EXOC4: variants seen among roughly 807,000 people sequenced by gnomAD.
EXOC4 encodes SEC8-like 1.
A neutral mutation model predicts 107.2 loss-of-function variants in EXOC4; 71 were observed. The ratio of observed to expected loss-of-function variants is 0.66; its 90% CI spans 0.55 to 0.81. EXOC4 has a LOEUF of 0.81. Among genes scored for constraint, EXOC4 ranks in the 30% least tolerant of loss-of-function variants. EXOC4 has a pLI of 0.00. For synonymous variants in EXOC4, 456 were observed against 441.2 expected, an observed-to-expected ratio of 1.03 and a Z score of -0.42; for missense variants, 1,108 against 1,189.6, an observed-to-expected ratio of 0.93 and a Z score of 1.01.
chr7:134,067,962 C>T (rs922644940), downstream of EXOC4, among the ~76,000 whole-genome samples: 1 of 152,068 alleles, frequency 6.6e-6, no homozygotes, highest in African/African-American at 2.4e-5. Context: ...GATTTCATCC[C>T]AATAATTAGA....
chr7:133,595,168 A>T (rs1197920783), intron 9 of EXOC4, among the ~76,000 whole-genome samples: 1 of 152,160 alleles, frequency 6.6e-6, no homozygotes, highest in Non-Finnish European at 1.5e-5. Context: ...GAAGAGAAGG[A>T]GGATGGAACC....
intron 8 of EXOC4, among the ~76,000 whole-genome samples, chr7:133,477,469 C>G (rs946457556): frequency 1.3e-5 from 2 of 152,172 alleles, no homozygotes; most frequent in Admixed American, 6.6e-5. Context: ...TCTTCCACAT[C>G]TTTTTGTGGC....
At chr7:133,323,662 T>TA (rs1048827201) in intron 5 of EXOC4, among the ~76,000 whole-genome samples, 64 of 152,376 alleles carry the variant, frequency 4.2e-4, no homozygotes, top group African/African-American at 1.5e-3. Context: ...GATATTGGTC[T>TA]AAAATTCTCT....
At chr7:133,823,686 A>G (rs367569819) in intron 11 of EXOC4, among the ~76,000 whole-genome samples, 5 of 149,258 alleles carry the variant, frequency 3.3e-5, no homozygotes, top group African/African-American at 9.8e-5. Context: ...TGTGGTGGTA[A>G]GTACCTGTAG....
intron 9 of EXOC4, among the ~76,000 whole-genome samples, chr7:133,547,925 G>A (rs1159675820): frequency 6.6e-6 from 1 of 151,990 alleles, no homozygotes; most frequent in Non-Finnish European, 1.5e-5. Context: ...GTTTGTAATG[G>A]CATCTAGCAT....
At chr7:133,275,693 T>C (rs528858065) in intron 2 of EXOC4, among the ~76,000 whole-genome samples, 25 of 152,332 alleles carry the variant, frequency 1.6e-4, no homozygotes, top group Middle Eastern at 6.8e-3. Flanking sequence ...GTCTCCTACA[T>C]TGAAGTTGGT....
chr7:133,510,281 T>A lies in EXOC4; in HGVS notation c.1417+30143T>A, dbSNP rs142236292. Among the ~76,000 whole-genome samples the A allele has an allele frequency of 2.4e-3, 371 of 152,354 alleles. 5 individuals are homozygous for A. Among genetic ancestry groups the A allele is most frequent in the African/African-American group, 8.3e-3 (347 of 41,592 alleles). Reference sequence around the variant, plus strand: ...TAATGTTTTGAGGTTTATTTATAATTTAGCACACATCCATAGTTCATTCCT... The same window carrying A: ...TAATGTTTTGAGGTTTATTTATAATATAGCACACATCCATAGTTCATTCCT... On this transcript the variant is annotated intron_variant, in intron 9 of 17. Coordinates refer to ENST00000253861, the MANE Select transcript of EXOC4 (RefSeq NM_021807.4).
intron 10 of EXOC4, among the ~76,000 whole-genome samples, chr7:133,702,397 G>A (rs1046194208): frequency 4.6e-5 from 1 of 21,674 alleles, no homozygotes; most frequent in African/African-American, 1.8e-4. Context: ...GCAGTGCAGT[G>A]ATGTGATCAC....
At chr7:134,039,183 A>G (rs564784205) in intron 17 of EXOC4, among the ~76,000 whole-genome samples, 28 of 152,290 alleles carry the variant, frequency 1.8e-4, no homozygotes, top group African/African-American at 6.5e-4. Flanking sequence ...AGATAAATGT[A>G]TATGTACTCA....
At chr7:133,653,447 T>C (rs1223741734) in intron 10 of EXOC4, among the ~76,000 whole-genome samples, 1 of 152,244 alleles carries the variant, frequency 6.6e-6, no homozygotes, top group Non-Finnish European at 1.5e-5. Context: ...ACAGGACCTC[T>C]CTTTACTATT....
chr7:133,627,723 A>G (rs1309514488), intron 9 of EXOC4, among the ~76,000 whole-genome samples: 1 of 152,196 alleles, frequency 6.6e-6, no homozygotes, highest in Non-Finnish European at 1.5e-5. Context: ...TAACTCAGCA[A>G]AACTTAGCAG....
At chr7:133,828,336 GC>G in intron 11 of EXOC4, among the ~76,000 whole-genome samples, 1 of 152,024 alleles carries the variant, frequency 6.6e-6, no homozygotes. Context: ...TGGCTCGACA[GC>G]CCAAGCAAAT....
Position 133,851,581 on chromosome 7 carries a change from T to C in EXOC4, c.1734+34037T>C, listed in dbSNP as rs547837096. Among the ~76,000 whole-genome samples, 7 of 152,196 alleles carry C rather than the reference T, an allele frequency of 4.6e-5. No homozygotes were observed. The East Asian group carries it at 9.7e-4, about 21-fold the overall frequency. On this transcript the variant is annotated intron_variant, in intron 11 of 17. Transcript: ENST00000253861. ...AGAGGAGCCAGGGAGTGAATGAAGA[T>C]CTGTGGGCAGCACATTACAGCCAGA...
chr7:133,502,027 G>T (rs868586293), intron 9 of EXOC4, among the ~76,000 whole-genome samples: 1 of 152,188 alleles, frequency 6.6e-6, no homozygotes. Flanking sequence ...CCAATTTTTT[G>T]ATTAGCAATG....
intron 11 of EXOC4, among the ~76,000 whole-genome samples, chr7:133,885,972 T>A (rs10156038): frequency 0.62 from 94,280 of 151,876 alleles, 31,926 homozygotes; most frequent in African/African-American, 0.91. Context: ...AGGGGCTAAG[T>A]AGGAAGGATC....
chr7:134,037,388 A>G (rs1795414757), intron 17 of EXOC4, among the ~76,000 whole-genome samples: 1 of 152,234 alleles, frequency 6.6e-6, no homozygotes, highest in African/African-American at 2.4e-5. Context: ...AGATGATCAA[A>G]AAGCATGAGA....
chr7:133,564,952 C>T (rs573883359), intron 9 of EXOC4, among the ~76,000 whole-genome samples: 4 of 152,256 alleles, frequency 2.6e-5, no homozygotes, highest in African/African-American at 4.8e-5. Context: ...AAACCTAACC[C>T]AGCCAAGTAC....
chr7:133,700,766 T>C (rs921404991), intron 10 of EXOC4, among the ~76,000 whole-genome samples: 6 of 152,188 alleles, frequency 3.9e-5, no homozygotes, highest in Non-Finnish European at 8.8e-5. Flanking sequence ...GTATCAAATA[T>C]AGTCTAAGGA....
intron 14 of EXOC4, among the ~76,000 whole-genome samples, chr7:133,979,226 A>G (rs1202634044): frequency 1.3e-5 from 2 of 152,248 alleles, no homozygotes; most frequent in Middle Eastern, 6.8e-3. Flanking sequence ...TTTGAGGTCA[A>G]AACTTCATAG....
Sources: allele counts gnomAD v4.1 joint callset (sites outside exome capture counted in the v4.1 genomes callset), GRCh38; gene constraint gnomAD v4.1.1; transcripts MANE v1.5; gene names NCBI Gene and HGNC (gene_info 2026-07-23, HGNC 2026-07-21).